Variants in KAZN observed in about 807,000 individuals in gnomAD.
KAZN encodes the protein kazrin.
Under a neutral mutation model 87.4 loss-of-function variants are expected in KAZN, and 40 were observed. That is an observed-to-expected ratio of 0.46 (90% CI 0.36 to 0.60). The LOEUF is 0.60. KAZN is among the 20% of genes least tolerant of loss of function. The pLI is 0.00. For synonymous variants in KAZN, 466 were observed against 458.3 expected (o/e 1.02, Z -0.22); for missense variants, 898 against 1,073.9 (o/e 0.84, Z 2.29).
At chr1:13,905,938 T>C (rs898199889) in intron 1 of KAZN, among the ~76,000 whole-genome samples, 43 of 152,312 alleles carry the variant, frequency 2.8e-4, no homozygotes, top group African/African-American at 9.6e-4. Context: ...TCAAAAGACC[T>C]GAGTTCCTTC....
At position 14,427,558 on chromosome 1, in the gene KAZN, AAATT is replaced by A. The variant is rs141553655; in HGVS notation, c.250-171422_250-171419del. Among the ~76,000 whole-genome samples the A allele has an allele frequency of 8.7e-4, 132 of 152,150 alleles. 3 individuals carry two copies. The East Asian group carries it at 0.022, about 25-fold the overall frequency. The stretch of plus-strand genomic sequence containing the variant: ...CAGTATACATGTAGACATGTATACT[AAATT>A]AAAGGTACATATGTGTACACATATG... On this transcript the variant is annotated intron_variant, in intron 2 of 16. Transcript: ENST00000636203.
In KAZN at chr1:14,004,883, G is replaced by T. The variant is rs539502342; in HGVS notation, c.91+111127G>T. ...TTATCACGGGGGTGGGGAACTGGTG[G>T]CTTTATAAGAAAAGGAAAAGAGAAC... is the stretch of plus-strand genomic sequence containing the variant. On this transcript the variant is annotated intron_variant, in intron 1 of 16. Coordinates refer to the KAZN transcript ENST00000636203. Among the ~76,000 whole-genome samples the T allele has an allele frequency of 2.0e-5, 3 of 152,168 alleles. No individual in the cohort carries two copies. In the East Asian group the frequency reaches 5.8e-4, roughly 30 times the overall value.
At chr1:14,697,674 C>T (rs1294641803) in intron 1 of KAZN, among the ~76,000 whole-genome samples, 2 of 152,234 alleles carry the variant, frequency 1.3e-5, no homozygotes, top group Non-Finnish European at 2.9e-5. Flanking sequence ...CTTCAGTCCA[C>T]TGAAAGAGTA....
At chr1:13,938,598 G>T (rs1640825670) in intron 1 of KAZN, among the ~76,000 whole-genome samples, 1 of 152,176 alleles carries the variant, frequency 6.6e-6, no homozygotes, top group Non-Finnish European at 1.5e-5. Flanking sequence ...CTGCTGCCAG[G>T]GTGGAACCCT....
chr1:15,051,128 G>A (rs996323528), intron 4 of KAZN, among the ~76,000 whole-genome samples: 1 of 152,264 alleles, frequency 6.6e-6, no homozygotes, highest in African/African-American at 2.4e-5. Flanking sequence ...CCTGCCTCGG[G>A]ATCCTCCCAG....
intron 2 of KAZN, among the ~76,000 whole-genome samples, chr1:14,481,055 C>T (rs1669055210): frequency 6.6e-6 from 1 of 151,700 alleles, no homozygotes; most frequent in African/African-American, 2.4e-5. Context: ...GTCTTTCATT[C>T]CCTAAGCATA....
At chr1:13,970,764 T>C (rs1023856813) in intron 1 of KAZN, among the ~76,000 whole-genome samples, 1 of 152,250 alleles carries the variant, frequency 6.6e-6, no homozygotes, top group Non-Finnish European at 1.5e-5. Context: ...TGGTTCATAC[T>C]TCTATTCTGA....
chr1:13,916,387 T>C (rs1311455629), intron 1 of KAZN, among the ~76,000 whole-genome samples: 1 of 152,128 alleles, frequency 6.6e-6, no homozygotes, highest in East Asian at 1.9e-4. Flanking sequence ...GCTGGGACTC[T>C]AAGCATCAGG....
intron 2 of KAZN, among the ~76,000 whole-genome samples, chr1:14,549,622 T>C (rs556508747): frequency 2.6e-4 from 40 of 151,734 alleles, no homozygotes; most frequent in African/African-American, 9.4e-4. Context: ...CCTTTTTTTT[T>C]TTTTTTATTC....
chr1:14,927,661 AG>A (rs1368104014), intron 1 of KAZN, among the ~76,000 whole-genome samples: 1 of 152,192 alleles, frequency 6.6e-6, no homozygotes, highest in Admixed American at 6.5e-5. Flanking sequence ...GGCACTCTAC[AG>A]GTCTGTAACT....
intron 1 of KAZN, among the ~76,000 whole-genome samples, chr1:13,910,423 G>A (rs922655601): frequency 1.3e-5 from 2 of 151,948 alleles, no homozygotes; most frequent in Non-Finnish European, 2.9e-5. Flanking sequence ...CAGGAGAATC[G>A]TCTGAACCAG....
intron 1 of KAZN, among the ~76,000 whole-genome samples, chr1:14,127,597 C>T (rs6668059): frequency 0.57 from 86,805 of 151,936 alleles, 26,046 homozygotes; most frequent in East Asian, 0.76. Flanking sequence ...CGGCGTCCTC[C>T]AACCTTCCCC....
chr1:15,086,137 ATTTTGGTAT>A (rs1640243734), intron 8 of KAZN, among the ~76,000 whole-genome samples: 1 of 152,054 alleles, frequency 6.6e-6, no homozygotes, highest in Non-Finnish European at 1.5e-5. Context: ...CGCCCGGCTA[ATTTTGGTAT>A]TTTTAGTAGA....
chr1:14,979,218 T>C (rs1665982984), intron 2 of KAZN, among the ~76,000 whole-genome samples: 1 of 151,810 alleles, frequency 6.6e-6, no homozygotes. Flanking sequence ...AAGACCAGCC[T>C]GACCAACGTG....
chr1:14,938,439 G>A (rs1330552530), intron 1 of KAZN, among the ~76,000 whole-genome samples: 1 of 151,874 alleles, frequency 6.6e-6, no homozygotes, highest in Non-Finnish European at 1.5e-5. Flanking sequence ...CTACTTGGGA[G>A]GCTGAGGCAG....
chr1:14,840,551 G>A (rs879649813), intron 1 of KAZN, among the ~76,000 whole-genome samples: 6 of 152,230 alleles, frequency 3.9e-5, no homozygotes, highest in Non-Finnish European at 8.8e-5. Flanking sequence ...TCTAGCCTTC[G>A]TGGCAGGTGA....
intron 5 of KAZN, among the ~76,000 whole-genome samples, chr1:15,058,342 A>G (rs1638486487): frequency 6.6e-6 from 1 of 152,248 alleles, no homozygotes; most frequent in African/African-American, 2.4e-5. Flanking sequence ...AATTGACTCC[A>G]AAGCCAGGGC....
intron 1 of KAZN, among the ~76,000 whole-genome samples, chr1:14,173,559 G>A (rs1045125824): frequency 1.3e-5 from 2 of 152,148 alleles, no homozygotes; most frequent in Non-Finnish European, 2.9e-5. Context: ...AGGACTATCC[G>A]CCGGAACTAT....
At chr1:14,310,136 A>G (rs187503517) in intron 2 of KAZN, among the ~76,000 whole-genome samples, 1 of 152,336 alleles carries the variant, frequency 6.6e-6, no homozygotes, top group Non-Finnish European at 1.5e-5. Context: ...GGCTTTGAAC[A>G]CATGGCAGTG....
Sources: allele counts gnomAD v4.1 joint callset (sites outside exome capture counted in the v4.1 genomes callset), GRCh38; gene constraint gnomAD v4.1.1; transcripts MANE v1.5; gene names NCBI Gene and HGNC (gene_info 2026-07-23, HGNC 2026-07-21).